Variants in BEND6 observed in about 807,000 individuals in gnomAD.
BEND6 encodes BEN domain-containing protein 6.
A neutral mutation model predicts 31.8 loss-of-function variants in BEND6; 24 were observed. The ratio of observed to expected loss-of-function variants is 0.75; its 90% CI spans 0.55 to 1.06. The LOEUF is 1.06. BEND6 is among the 50% of genes least tolerant of loss of function. BEND6 has a pLI of 0.00. For synonymous variants in BEND6, 109 were observed against 114.6 expected (o/e 0.95, Z 0.31); for missense variants, 294 against 327.4 (o/e 0.90, Z 0.79).
In BEND6 at chr6:56,981,890, TG is replaced by T. The variant is rs1381347618; in HGVS notation, c.82del (p.Asp28ThrfsTer35). ...GGAAAGAGGAAAAGAACAGAGACAA[TG>T]GACTCAGAAAATGCAAATAGTGACA... ...RKGKRKRTET[M>X]DSENANSDMD... On this transcript the variant is annotated frameshift_variant, in exon 2 of 7. Transcript: ENST00000370746. LOFTEE classifies it high-confidence loss of function. The T allele has an allele frequency of 6.2e-7, 1 of 1,612,508 alleles. No individual in the cohort carries two copies. The highest frequency in any genetic ancestry group is 8.5e-7 in the Non-Finnish European group (1 of 1,179,358).
chr6:56,976,258 CG>C (rs1592980557), intron 1 of BEND6, among the ~76,000 whole-genome samples: 1 of 149,992 alleles, frequency 6.7e-6, no homozygotes, highest in East Asian at 2.0e-4. Flanking sequence ...TGCAGTGGCG[CG>C]ATCTCGACTC....
chr6:56,981,122 C>G (rs377407292), intron 1 of BEND6, among the ~76,000 whole-genome samples: 1 of 152,102 alleles, frequency 6.6e-6, no homozygotes, highest in Non-Finnish European at 1.5e-5. Flanking sequence ...CCTGCTTTAT[C>G]AGATTTTGAT....
intron 3 of BEND6, among the ~76,000 whole-genome samples, chr6:56,996,322 C>T (rs1164214417): frequency 6.6e-6 from 1 of 152,082 alleles, no homozygotes; most frequent in African/African-American, 2.4e-5. Flanking sequence ...TGTTGCGTGC[C>T]TATGGTCCCA....
chr6:57,003,953 G>A (rs1827049653), intron 3 of BEND6, among the ~76,000 whole-genome samples: 1 of 152,078 alleles, frequency 6.6e-6, no homozygotes. Flanking sequence ...AATAGATGTG[G>A]AAAAAGCTTT....
At chr6:56,961,745 AATAAAG>A (rs1208202693) in intron 1 of BEND6, among the ~76,000 whole-genome samples, 3 of 152,186 alleles carry the variant, frequency 2.0e-5, no homozygotes, top group African/African-American at 4.8e-5. Context: ...CATTCTGGTA[AATAAAG>A]CCACCACTCT....
chr6:56,996,764 G>T (rs746262681), intron 3 of BEND6, among the ~76,000 whole-genome samples: 6 of 152,032 alleles, frequency 3.9e-5, no homozygotes, highest in Non-Finnish European at 8.8e-5. Context: ...CACTAGCTTT[G>T]CCTTCAAAAT....
intron 1 of BEND6, among the ~76,000 whole-genome samples, chr6:56,974,247 C>T (rs930000770): frequency 6.6e-6 from 1 of 151,930 alleles, no homozygotes; most frequent in Non-Finnish European, 1.5e-5. Context: ...GGCCTGCCCC[C>T]CAGAAAAAGA....
chr6:57,009,776 A>G (rs1562555575), intron 3 of BEND6: 1 of 152,340 alleles, frequency 6.6e-6, no homozygotes, highest in East Asian at 1.9e-4. Context: ...CACATATTGT[A>G]TTGATATATG....
intron 3 of BEND6, among the ~76,000 whole-genome samples, chr6:57,000,598 A>C (rs1366764006): frequency 6.0e-5 from 9 of 151,220 alleles, no homozygotes; most frequent in Non-Finnish European, 1.0e-4. Context: ...AAAAAAAAAA[A>C]CCATAAATAA....
At chr6:56,973,756 A>C (rs1003450635) in intron 1 of BEND6, among the ~76,000 whole-genome samples, 1 of 152,032 alleles carries the variant, frequency 6.6e-6, no homozygotes, top group African/African-American at 2.4e-5. Flanking sequence ...TTAAACTTAC[A>C]ATTTTTTTCT....
chr6:56,989,691 A>G (rs1180996188), intron 2 of BEND6, among the ~76,000 whole-genome samples: 2 of 152,126 alleles, frequency 1.3e-5, no homozygotes, highest in Non-Finnish European at 2.9e-5. Context: ...CTAGTTGTTA[A>G]TGAGGTTGAG....
At chr6:57,006,808 C>G (rs1301450653) in intron 3 of BEND6, among the ~76,000 whole-genome samples, 1 of 152,184 alleles carries the variant, frequency 6.6e-6, no homozygotes, top group African/African-American at 2.4e-5. Flanking sequence ...AAGAACAATG[C>G]TGGATGTATC....
At chr6:57,021,712 C>G (rs1827748395) in intron 6 of BEND6, among the ~76,000 whole-genome samples, 1 of 152,176 alleles carries the variant, frequency 6.6e-6, no homozygotes, top group Admixed American at 6.5e-5. Context: ...TAACATCCAA[C>G]TAAGTGACCA....
chr6:56,968,133 G>A (rs1825551893), intron 1 of BEND6, among the ~76,000 whole-genome samples: 1 of 152,086 alleles, frequency 6.6e-6, no homozygotes, highest in Admixed American at 6.6e-5. Flanking sequence ...TTACACATAT[G>A]AAAACACATG....
At chr6:56,994,457 CAAAAAAAA>C (rs67871242) in intron 3 of BEND6, among the ~76,000 whole-genome samples, 2 of 54,858 alleles carry the variant, frequency 3.6e-5, no homozygotes, top group Non-Finnish European at 5.9e-5. Flanking sequence ...GACTCCATCT[CAAAAAAAA>C]AAAAAAAAAA....
At chr6:56,994,629 G>T (rs1033729633) in intron 3 of BEND6, among the ~76,000 whole-genome samples, 16 of 152,000 alleles carry the variant, frequency 1.1e-4, no homozygotes, top group African/African-American at 3.6e-4. Context: ...TTTCCTTGTT[G>T]CTATGAGAAT....
At chr6:57,015,003 A>G (rs1827482805) in intron 3 of BEND6, 130 bp from the exon 4 acceptor site, 2 of 667,292 alleles carry the variant, frequency 3.0e-6, no homozygotes, top group Non-Finnish European at 4.9e-6. Context: ...TGCCATGTTT[A>G]TTTTCCAAAG....
At chr6:56,958,403 C>A (rs1825169888) in intron 1 of BEND6, among the ~76,000 whole-genome samples, 1 of 152,118 alleles carries the variant, frequency 6.6e-6, no homozygotes, top group African/African-American at 2.4e-5. Flanking sequence ...AAGTTTCCAC[C>A]CTAAGCTGTG....
chr6:57,003,512 GCAA>G lies in BEND6; in HGVS notation c.298+10985_298+10987del, dbSNP rs371966915. Reference sequence around the variant, plus strand: ...TGAGACCCTGTCTCAAAAACAAACAGCAACAACAACAACAACAACAACAACAAC... The same window carrying G: ...TGAGACCCTGTCTCAAAAACAAACAGCAACAACAACAACAACAACAACAAC... On this transcript the variant is annotated intron_variant, in intron 3 of 6. Transcript: ENST00000370746. 2.2e-3 allele frequency among the ~76,000 whole-genome samples: 318 copies of G among 146,624 alleles called. 2 individuals carry two copies. The highest frequency in any genetic ancestry group is 8.4e-3 in the East Asian group (43 of 5,132).
Sources: gnomAD v4.1 joint callset for allele counts (sites outside exome capture counted in the v4.1 genomes callset) on GRCh38, gnomAD v4.1.1 for gene constraint, MANE v1.5 for transcripts, NCBI Gene and HGNC (gene_info 2026-07-23, HGNC 2026-07-21) for gene names.